Variants in GOLM2 observed in about 807,000 individuals in gnomAD.
GOLM2 encodes golgi membrane protein 2.
A neutral mutation model predicts 55.9 loss-of-function variants in GOLM2; 26 were observed. The observed-to-expected ratio is 0.47, with a 90% confidence interval of 0.34 to 0.65. The LOEUF is 0.65. Ranked by LOEUF, GOLM2 falls within the 30% of genes least tolerant of loss-of-function variation. GOLM2 has a pLI of 0.01. For synonymous variants in GOLM2, 165 were observed against 194.6 expected, an observed-to-expected ratio of 0.85 and a Z score of 1.27; for missense variants, 486 against 531.8, an observed-to-expected ratio of 0.91 and a Z score of 0.85.
intron 9 of GOLM2, among the ~76,000 whole-genome samples, chr15:44,404,141 T>C (rs2079583282): frequency 1.3e-5 from 2 of 152,220 alleles, no homozygotes; most frequent in Admixed American, 1.3e-4. Flanking sequence ...AAGTTGATTG[T>C]GACCTTAGTG....
At chr15:44,407,940 CAG>C (rs2079608858) in intron 9 of GOLM2, among the ~76,000 whole-genome samples, 1 of 151,514 alleles carries the variant, frequency 6.6e-6, no homozygotes, top group South Asian at 2.1e-4. Context: ...TTACAAGAGA[CAG>C]GGTTTCACCA....
intron 1 of GOLM2, among the ~76,000 whole-genome samples, chr15:44,296,450 C>T (rs2078757161): frequency 1.3e-5 from 2 of 152,032 alleles, no homozygotes; most frequent in Admixed American, 6.6e-5. Flanking sequence ...CTTGAGGCAG[C>T]CTATGCCTTT....
At chr15:44,356,900 G>T (rs1391908855) in intron 6 of GOLM2, among the ~76,000 whole-genome samples, 1 of 152,222 alleles carries the variant, frequency 6.6e-6, no homozygotes, top group African/African-American at 2.4e-5. Context: ...GCCAGGCACA[G>T]TGGCTCATGC....
At position 44,380,961 on chromosome 15, in the gene GOLM2, C is replaced by A; in HGVS notation, c.1057C>A (p.His353Asn). The change falls in exon 8 of 10, where the codon CAT (histidine) becomes AAT (asparagine). Residue 353 changes from histidine to asparagine, a missense_variant. Physicochemically the swap from His to Asn is moderately conservative, Grantham distance 68. Coordinates refer to ENST00000299957, the MANE Select transcript of GOLM2 (RefSeq NM_138423.4). ...QATKDRVSDF[H>N]KLKQSRFFDE... The stretch of plus-strand genomic sequence containing the variant: ...TACCAAGGACAGAGTCAGTGATTTC[C>A]ATAAATTGAAGCAAAGTAAGAATCA... 6.4e-7 allele frequency: 1 copy of A among 1,559,992 alleles called. No individual in the cohort carries two copies. The highest frequency in any genetic ancestry group is 1.3e-5 in the South Asian group (1 of 78,824).
chr15:44,375,255 G>A (rs777978544), intron 6 of GOLM2, among the ~76,000 whole-genome samples: 3 of 151,952 alleles, frequency 2.0e-5, no homozygotes, highest in Non-Finnish European at 2.9e-5. Flanking sequence ...TCCTGACCTC[G>A]TGATCCGCCC....
intron 9 of GOLM2, among the ~76,000 whole-genome samples, chr15:44,407,477 T>C (rs1595670773): frequency 6.6e-6 from 1 of 151,786 alleles, no homozygotes; most frequent in African/African-American, 2.4e-5. Flanking sequence ...ATGTTTCCCA[T>C]GTTTCCCAGG....
chr15:44,338,425 T>C, intron 6 of GOLM2, 108 bp downstream of exon 6: 1 of 769,650 alleles, frequency 1.3e-6, no homozygotes, highest in East Asian at 2.8e-5. Context: ...ATCTGGATGA[T>C]CGATATTTCT....
intron 6 of GOLM2, among the ~76,000 whole-genome samples, chr15:44,361,834 G>T (rs1222691587): frequency 1.3e-5 from 2 of 152,120 alleles, no homozygotes; most frequent in African/African-American, 2.4e-5. Context: ...ACATCAAAAA[G>T]CTTATCCGCC....
intron 2 of GOLM2, among the ~76,000 whole-genome samples, chr15:44,326,177 G>T (rs1015555255): frequency 9.9e-5 from 15 of 150,780 alleles, no homozygotes; most frequent in Non-Finnish European, 2.2e-4. Flanking sequence ...CAGGAGAATC[G>T]CTTGAACCTG....
At chr15:44,401,865 T>C (rs1308889287) in intron 8 of GOLM2, among the ~76,000 whole-genome samples, 2 of 151,184 alleles carry the variant, frequency 1.3e-5, no homozygotes, top group African/African-American at 4.9e-5. Context: ...GTCTCACTTT[T>C]GTCACTCAGG....
At chr15:44,378,518 C>G (rs559051978) in intron 6 of GOLM2, among the ~76,000 whole-genome samples, 2 of 151,210 alleles carry the variant, frequency 1.3e-5, no homozygotes, top group African/African-American at 4.9e-5. Flanking sequence ...CCACCATGCC[C>G]GGCTAATTTT....
chr15:44,349,445 C>T (rs1306170787), intron 6 of GOLM2, among the ~76,000 whole-genome samples: 1 of 152,058 alleles, frequency 6.6e-6, no homozygotes, highest in African/African-American at 2.4e-5. Flanking sequence ...TGGGATATAA[C>T]AGTTATACAT....
At chr15:44,374,622 C>A (rs900726058) in intron 6 of GOLM2, among the ~76,000 whole-genome samples, 1 of 152,174 alleles carries the variant, frequency 6.6e-6, no homozygotes, top group Non-Finnish European at 1.5e-5. Context: ...CACTTGCAAT[C>A]ATGGCATAAG....
intron 6 of GOLM2, among the ~76,000 whole-genome samples, chr15:44,348,316 T>C (rs2079138629): frequency 6.6e-6 from 1 of 151,652 alleles, no homozygotes; most frequent in South Asian, 2.1e-4. Context: ...AGGGAGCCTG[T>C]TGCTCTGAAG....
At chr15:44,358,894 C>T (rs754218027) in intron 6 of GOLM2, among the ~76,000 whole-genome samples, 7 of 152,216 alleles carry the variant, frequency 4.6e-5, no homozygotes, top group Non-Finnish European at 8.8e-5. Context: ...CGGTGGCTCA[C>T]GCCTGTAATG....
At chr15:44,396,434 T>A (rs2141208350) in intron 8 of GOLM2, among the ~76,000 whole-genome samples, 1 of 152,310 alleles carries the variant, frequency 6.6e-6, no homozygotes, top group East Asian at 1.9e-4. Context: ...CATTTAACAT[T>A]TGCTTTCTCA....
intron 9 of GOLM2, among the ~76,000 whole-genome samples, chr15:44,407,546 G>A (rs1418903667): frequency 6.6e-6 from 1 of 151,708 alleles, no homozygotes; most frequent in Admixed American, 6.6e-5. Context: ...AAAGTGTTCG[G>A]ATTATAGGCA....
chr15:44,409,366 C>G (rs1381542165), intron 9 of GOLM2, among the ~76,000 whole-genome samples: 8 of 148,510 alleles, frequency 5.4e-5, no homozygotes, highest in African/African-American at 2.0e-4. Context: ...GCGGGTGGAT[C>G]GCCTGAGGTC....
intron 5 of GOLM2, 48 bp from the exon 6 acceptor site, chr15:44,338,189 A>G: frequency 6.5e-7 from 1 of 1,545,838 alleles, no homozygotes; most frequent in Non-Finnish European, 8.9e-7. Flanking sequence ...ACATTTTCAA[A>G]TTATGTAAGA....
Sources: gnomAD v4.1 joint callset for allele counts (sites outside exome capture counted in the v4.1 genomes callset) on GRCh38, gnomAD v4.1.1 for gene constraint, MANE v1.5 for transcripts, NCBI Gene and HGNC (gene_info 2026-07-23, HGNC 2026-07-21) for gene names.